GLIS3: variants seen among roughly 807,000 people sequenced by gnomAD.
GLIS3 encodes the protein GLIS family zinc finger 3, also known as zinc finger protein GLIS3.
GLIS3 carries 53 observed loss-of-function variants against 78.6 expected under a neutral mutation model. That is an observed-to-expected ratio of 0.67 (90% CI 0.54 to 0.85). The LOEUF is 0.85. Ranked by LOEUF, GLIS3 falls within the 40% of genes least tolerant of loss-of-function variation. The pLI is 0.00. For synonymous variants in GLIS3, 684 were observed against 509.9 expected (o/e 1.34, Z -4.60); for missense variants, 1,703 against 1,231.1 (o/e 1.38, Z -5.74).
At chr9:4,282,150 C>A (rs1258078253) in intron 2 of GLIS3, among the ~76,000 whole-genome samples, 2 of 152,284 alleles carry the variant, frequency 1.3e-5, no homozygotes, top group South Asian at 4.2e-4. Context: ...CACAGCTCTA[C>A]GCTTCCCTAA....
the GLIS3 span, among the ~76,000 whole-genome samples, chr9:4,391,994 T>A: frequency 6.6e-6 from 1 of 152,250 alleles, no homozygotes; most frequent in East Asian, 1.9e-4. Context: ...AGACATGGAA[T>A]CAATGCAAAT....
At chr9:4,156,873 T>C (rs995085019) in intron 2 of GLIS3, among the ~76,000 whole-genome samples, 3 of 152,150 alleles carry the variant, frequency 2.0e-5, no homozygotes, top group Non-Finnish European at 2.9e-5. Flanking sequence ...TCTCAAAGTG[T>C]GGTACCTGGA....
chr9:4,224,165 A>G (rs145763320), intron 2 of GLIS3, among the ~76,000 whole-genome samples: 1 of 152,324 alleles, frequency 6.6e-6, no homozygotes, highest in African/African-American at 2.4e-5. Context: ...CACTCTGATT[A>G]AAACCCACAT....
At chr9:3,919,073 C>T (rs1824702971) in intron 6 of GLIS3, among the ~76,000 whole-genome samples, 1 of 152,030 alleles carries the variant, frequency 6.6e-6, no homozygotes, top group Non-Finnish European at 1.5e-5. Flanking sequence ...ATCAGATTGC[C>T]CCAACTGGAT....
At chr9:3,985,340 G>C (rs1227391734) in intron 4 of GLIS3, among the ~76,000 whole-genome samples, 1 of 152,014 alleles carries the variant, frequency 6.6e-6, no homozygotes, top group South Asian at 2.1e-4. Context: ...TAGAAACAGG[G>C]TTTCACCGTG....
intron 2 of GLIS3, among the ~76,000 whole-genome samples, chr9:4,344,351 G>T (rs1464826486): frequency 6.6e-6 from 1 of 152,094 alleles, no homozygotes; most frequent in South Asian, 2.1e-4. Flanking sequence ...TATTTCACCT[G>T]CATTTGGCAT....
At chr9:4,006,635 C>T (rs1821576696) in intron 4 of GLIS3, among the ~76,000 whole-genome samples, 1 of 152,156 alleles carries the variant, frequency 6.6e-6, no homozygotes, top group African/African-American at 2.4e-5. Context: ...CTGTCATCTC[C>T]ATGCACTAGA....
chr9:4,008,782 T>C (rs1588443024), intron 4 of GLIS3, among the ~76,000 whole-genome samples: 1 of 152,146 alleles, frequency 6.6e-6, no homozygotes, highest in Non-Finnish European at 1.5e-5. Flanking sequence ...GCCAGTGACA[T>C]TTAGAGTTGA....
chr9:3,885,377 G>GCGT (rs1410161022), intron 7 of GLIS3, among the ~76,000 whole-genome samples: 2 of 152,194 alleles, frequency 1.3e-5, no homozygotes, highest in East Asian at 3.9e-4. Flanking sequence ...TTGTAAATCT[G>GCGT]CGTTGGAGTC....
chr9:3,970,549 G>A (rs1818303318), intron 4 of GLIS3, among the ~76,000 whole-genome samples: 1 of 152,030 alleles, frequency 6.6e-6, no homozygotes, highest in Non-Finnish European at 1.5e-5. Flanking sequence ...GTGTTACCTT[G>A]CCCCTGAACA....
intron 2 of GLIS3, among the ~76,000 whole-genome samples, chr9:4,341,977 C>A (rs1279138002): frequency 1.3e-5 from 2 of 152,074 alleles, no homozygotes; most frequent in African/African-American, 4.8e-5. Context: ...TGCTTAAGTT[C>A]CTTGTGGATT....
At chr9:4,319,969 G>A (rs1294961058) in intron 2 of GLIS3, among the ~76,000 whole-genome samples, 1 of 150,894 alleles carries the variant, frequency 6.6e-6, no homozygotes, top group East Asian at 1.9e-4. Flanking sequence ...CTTACAGTAG[G>A]TTAGTAGAGG....
the GLIS3 span, among the ~76,000 whole-genome samples, chr9:4,418,583 C>T: frequency 1.7e-4 from 26 of 152,170 alleles, no homozygotes; most frequent in Middle Eastern, 3.4e-3. Context: ...CCTGTAATCC[C>T]AGCTACTCAG....
intron 4 of GLIS3, among the ~76,000 whole-genome samples, chr9:4,108,164 A>C (rs891035137): frequency 6.6e-6 from 1 of 152,190 alleles, no homozygotes; most frequent in Non-Finnish European, 1.5e-5. Flanking sequence ...TCTGTAACAT[A>C]GTCACTTTCT....
the GLIS3 span, among the ~76,000 whole-genome samples, chr9:4,455,897 G>A: frequency 6.6e-6 from 1 of 152,156 alleles, no homozygotes; most frequent in Non-Finnish European, 1.5e-5. Flanking sequence ...TGAATTGCTT[G>A]AAATTAGGAG....
intron 2 of GLIS3, among the ~76,000 whole-genome samples, chr9:4,260,025 G>A (rs1029425306): frequency 6.6e-6 from 1 of 152,170 alleles, no homozygotes; most frequent in African/African-American, 2.4e-5. Flanking sequence ...AACACAGAGG[G>A]AGAAAGGAAA....
In GLIS3 at chr9:4,015,591, T is replaced by C. The variant is rs147160065; in HGVS notation, c.1711-78402A>G. Among the ~76,000 whole-genome samples the C allele has an allele frequency of 2.1e-3, 322 of 152,174 alleles. 2 individuals are homozygous for C. Among genetic ancestry groups the C allele is most frequent in the Middle Eastern group, 0.01 (3 of 294 alleles). The stretch of plus-strand genomic sequence containing the variant: ...GTCTACAAAAGAAGTTCAACAACAA[T>C]AATAGGGATTTTCCAGCCAAGTGTG... On this transcript the variant is annotated intron_variant, in intron 4 of 10. Transcript: ENST00000381971.
chr9:4,075,676 T>C (rs1406030122), intron 4 of GLIS3, among the ~76,000 whole-genome samples: 1 of 152,184 alleles, frequency 6.6e-6, no homozygotes, highest in African/African-American at 2.4e-5. Context: ...GCAAAAGATT[T>C]ATTCAAAATA....
At chr9:4,092,591 C>G (rs963432142) in intron 4 of GLIS3, among the ~76,000 whole-genome samples, 2 of 152,040 alleles carry the variant, frequency 1.3e-5, no homozygotes, top group Non-Finnish European at 2.9e-5. Context: ...CACACATTAT[C>G]CTAGGCCTAC....
Sources: gnomAD v4.1 joint callset for allele counts (sites outside exome capture counted in the v4.1 genomes callset) on GRCh38, gnomAD v4.1.1 for gene constraint, MANE v1.5 for transcripts, NCBI Gene and HGNC (gene_info 2026-07-23, HGNC 2026-07-21) for gene names.